ENOX2: variants seen among roughly 807,000 people sequenced by gnomAD.
ENOX2 encodes the protein ecto-NOX disulfide-thiol exchanger 2.
In ENOX2, 36 loss-of-function variants were observed where a neutral mutation model predicts 45.0. That is an observed-to-expected ratio of 0.80 (90% CI 0.61 to 1.06). The LOEUF (loss-of-function observed/expected upper bound fraction) is 1.06, where lower values mean the gene tolerates loss of function less well. Ranked by LOEUF, ENOX2 falls within the 50% of genes least tolerant of loss-of-function variation. ENOX2 has a pLI of 0.00. For missense variants in ENOX2, 423 were observed against 462.5 expected (o/e 0.91, Z 0.78); for synonymous variants, 174 against 152.3 (o/e 1.14, Z -1.05).
At chrX:130,664,259 A>T (rs2036774740) in intron 9 of ENOX2, among the ~76,000 whole-genome samples, 1 of 112,180 alleles carries the variant, frequency 8.9e-6, no homozygotes, top group Non-Finnish European at 1.9e-5. Context: ...TTCTCACACA[A>T]ACATATCTCA....
At chrX:130,843,559 G>A (rs182770863) in intron 2 of ENOX2, among the ~76,000 whole-genome samples, 9 of 111,354 alleles carry the variant, frequency 8.1e-5, no homozygotes, top group Non-Finnish European at 1.5e-4. Flanking sequence ...CTTGGTTCCT[G>A]CATATCTCTA....
chrX:130,785,516 G>A (rs2076956540), intron 2 of ENOX2, among the ~76,000 whole-genome samples: 1 of 111,051 alleles, frequency 9.0e-6, no homozygotes, highest in African/African-American at 3.3e-5. Context: ...CTAAGTGAAA[G>A]AGTAAAACTT....
intron 7 of ENOX2, among the ~76,000 whole-genome samples, chrX:130,668,223 C>T (rs2036890460): frequency 1.8e-5 from 2 of 110,756 alleles, no homozygotes; most frequent in African/African-American, 6.6e-5. Context: ...CTGAGTTTAA[C>T]TTGAATTTAA....
At chrX:130,887,892 C>G (rs1160373522) in intron 2 of ENOX2, among the ~76,000 whole-genome samples, 1 of 111,783 alleles carries the variant, frequency 8.9e-6, no homozygotes. Flanking sequence ...CTCTGGCTAC[C>G]CTTATTCCTG....
chrX:130,714,220 T>C (rs752090724), intron 3 of ENOX2, among the ~76,000 whole-genome samples: 21 of 111,978 alleles, frequency 1.9e-4, no homozygotes, highest in Non-Finnish European at 4.0e-4. Flanking sequence ...TTCCTTGCCA[T>C]AGAAAATAGA....
At chrX:130,650,070 C>T (rs1378029454) in intron 10 of ENOX2, among the ~76,000 whole-genome samples, 1 of 112,052 alleles carries the variant, frequency 8.9e-6, no homozygotes, top group Non-Finnish European at 1.9e-5. Context: ...GTCCACATGG[C>T]TCAATACAAA....
chrX:130,797,268 G>C (rs1259131619), intron 2 of ENOX2, among the ~76,000 whole-genome samples: 1 of 111,688 alleles, frequency 9.0e-6, no homozygotes, highest in Non-Finnish European at 1.9e-5. Flanking sequence ...AAGTCAGACT[G>C]TAAAAGCATA....
At chrX:130,821,866 G>C (rs1043151125) in intron 2 of ENOX2, among the ~76,000 whole-genome samples, 7 of 104,493 alleles carry the variant, frequency 6.7e-5, no homozygotes, top group African/African-American at 2.4e-4. Context: ...AGGGGTTTGA[G>C]GCCAGCCTGG....
chrX:130,761,383 G>A (rs2039486502), intron 3 of ENOX2, among the ~76,000 whole-genome samples: 1 of 111,543 alleles, frequency 9.0e-6, no homozygotes, highest in Non-Finnish European at 1.9e-5. Context: ...ATTTAAACTT[G>A]GATGAATTGT....
intron 2 of ENOX2, among the ~76,000 whole-genome samples, chrX:130,870,033 T>G (rs1185559605): frequency 9.0e-6 from 1 of 111,371 alleles, no homozygotes; most frequent in Non-Finnish European, 1.9e-5. Context: ...TTGCTCTCCC[T>G]TCCTATCCCC....
intron 3 of ENOX2, among the ~76,000 whole-genome samples, chrX:130,719,472 A>C (rs2097375110): frequency 9.1e-6 from 1 of 110,316 alleles, no homozygotes; most frequent in Non-Finnish European, 1.9e-5. Context: ...AAAAAAAAAA[A>C]AAAAAAACCA....
chrX:130,716,367 C>T (rs1451408368), intron 3 of ENOX2, among the ~76,000 whole-genome samples: 1 of 111,933 alleles, frequency 8.9e-6, no homozygotes, highest in Non-Finnish European at 1.9e-5. Context: ...ACTGTACATA[C>T]CCCCAACCTA....
At chrX:130,839,606 T>C (rs1426396329) in intron 2 of ENOX2, among the ~76,000 whole-genome samples, 1 of 111,841 alleles carries the variant, frequency 8.9e-6, no homozygotes, top group African/African-American at 3.2e-5. Flanking sequence ...AATTAAATTA[T>C]GCTTTACAAA....
At chrX:130,681,988 T>C (rs775239820) in intron 5 of ENOX2, among the ~76,000 whole-genome samples, 2 of 107,262 alleles carry the variant, frequency 1.9e-5, no homozygotes, top group South Asian at 8.4e-4. Context: ...GCTATGAAGA[T>C]ACATATGGCT....
chrX:130,666,550 AT>A (rs1022904980), intron 8 of ENOX2, among the ~76,000 whole-genome samples: 2 of 108,615 alleles, frequency 1.8e-5, no homozygotes, highest in Admixed American at 9.8e-5. Context: ...CAGAGGTATT[AT>A]TTTTTTTTTC....
chrX:130,883,898 C>A (rs1569333128), intron 2 of ENOX2, among the ~76,000 whole-genome samples: 1 of 112,315 alleles, frequency 8.9e-6, no homozygotes. Context: ...AAGACTTTTT[C>A]TTTAGCCAAT....
At chrX:130,752,880 G>A (rs906313691) in intron 3 of ENOX2, among the ~76,000 whole-genome samples, 5 of 110,359 alleles carry the variant, frequency 4.5e-5, no homozygotes, top group Non-Finnish European at 9.5e-5. Context: ...TCTCTATGAT[G>A]ATCTGTCTCT....
intron 3 of ENOX2, among the ~76,000 whole-genome samples, chrX:130,716,573 C>A (rs1486082802): frequency 8.9e-6 from 1 of 111,921 alleles, no homozygotes; most frequent in Non-Finnish European, 1.9e-5. Context: ...TCACAGACAG[C>A]TTTCTAACAA....
At chrX:130,726,439 A>T (rs1443244919) in intron 3 of ENOX2, among the ~76,000 whole-genome samples, 1 of 112,446 alleles carries the variant, frequency 8.9e-6, no homozygotes, top group Non-Finnish European at 1.9e-5. Context: ...ATTTTCACGC[A>T]TACTGCTGCT....
Sources: gnomAD v4.1 joint callset for allele counts (sites outside exome capture counted in the v4.1 genomes callset) on GRCh38, gnomAD v4.1.1 for gene constraint, MANE v1.5 for transcripts, NCBI Gene and HGNC (gene_info 2026-07-23, HGNC 2026-07-21) for gene names.